KCNH7: variants seen among roughly 807,000 people sequenced by gnomAD.
The protein encoded by KCNH7 is potassium voltage-gated channel subfamily H member 7.
A neutral mutation model predicts 120.8 loss-of-function variants in KCNH7; 49 were observed. The ratio of observed to expected loss-of-function variants is 0.41; its 90% CI spans 0.32 to 0.51. KCNH7 has a LOEUF of 0.51. Ranked by LOEUF, KCNH7 falls within the 20% of genes least tolerant of loss-of-function variation. The pLI is 0.38. For synonymous variants in KCNH7, 547 were observed against 516.1 expected (o/e 1.06, Z -0.81); for missense variants, 1,097 against 1,446.6 (o/e 0.76, Z 3.92).
chr2:162,394,146 C>T (rs1396286996), intron 12 of KCNH7, among the ~76,000 whole-genome samples: 4 of 151,880 alleles, frequency 2.6e-5, no homozygotes, highest in Non-Finnish European at 4.4e-5. Context: ...AAAAATCAAT[C>T]CACTCTATTT....
intron 14 of KCNH7, among the ~76,000 whole-genome samples, chr2:162,379,286 C>A (rs967354321): frequency 3.3e-5 from 5 of 152,054 alleles, no homozygotes; most frequent in Admixed American, 3.3e-4. Context: ...TTTAAAGAAA[C>A]CACGCAGACT....
At chr2:162,679,231 G>A (rs1685630060) in intron 2 of KCNH7, among the ~76,000 whole-genome samples, 1 of 151,612 alleles carries the variant, frequency 6.6e-6, no homozygotes, top group Non-Finnish European at 1.5e-5. Context: ...AATCTTGCTT[G>A]TATAGTTAGA....
At chr2:162,707,142 G>A (rs920634263) in intron 2 of KCNH7, among the ~76,000 whole-genome samples, 6 of 152,022 alleles carry the variant, frequency 3.9e-5, no homozygotes, top group Non-Finnish European at 7.4e-5. Context: ...ACACAAATTG[G>A]TGTAACTATA....
intron 2 of KCNH7, among the ~76,000 whole-genome samples, chr2:162,619,849 A>C (rs1206763937): frequency 6.6e-6 from 1 of 152,132 alleles, no homozygotes; most frequent in East Asian, 1.9e-4. Context: ...ACTTTTATTT[A>C]TTTGTATACC....
At chr2:162,558,464 G>A (rs909217320) in intron 2 of KCNH7, among the ~76,000 whole-genome samples, 9 of 147,836 alleles carry the variant, frequency 6.1e-5, no homozygotes, top group African/African-American at 2.3e-4. Flanking sequence ...GTGAGCCACC[G>A]TGCCCGGCCA....
intron 2 of KCNH7, among the ~76,000 whole-genome samples, chr2:162,746,816 A>G (rs941913313): frequency 3.9e-5 from 6 of 152,148 alleles, no homozygotes; most frequent in African/African-American, 1.4e-4. Context: ...CATTGTAAAA[A>G]TTAAAACTTG....
chr2:162,573,613 C>T (rs1238889936), intron 2 of KCNH7, among the ~76,000 whole-genome samples: 2 of 151,606 alleles, frequency 1.3e-5, no homozygotes, highest in Non-Finnish European at 2.9e-5. Flanking sequence ...TTCTTTAGTC[C>T]ACCAGGTAGG....
chr2:162,465,590 A>C (rs1689280418), intron 6 of KCNH7, among the ~76,000 whole-genome samples: 1 of 152,136 alleles, frequency 6.6e-6, no homozygotes, highest in Non-Finnish European at 1.5e-5. Context: ...GCCTCACATC[A>C]ATCATTTCAG....
At chr2:162,651,181 C>T (rs575124716) in intron 2 of KCNH7, among the ~76,000 whole-genome samples, 6 of 152,080 alleles carry the variant, frequency 3.9e-5, no homozygotes, top group Non-Finnish European at 5.9e-5. Context: ...AGAGAAGTAT[C>T]TTAGTGCATA....
At chr2:162,658,146 A>T (rs776339432) in intron 2 of KCNH7, among the ~76,000 whole-genome samples, 21 of 151,688 alleles carry the variant, frequency 1.4e-4, no homozygotes, top group Non-Finnish European at 2.5e-4. Context: ...TGCTTACCAG[A>T]CACCAAATCT....
intron 14 of KCNH7, 22 bp from the exon 15 acceptor site, chr2:162,373,684 G>GA: frequency 7.0e-7 from 1 of 1,423,960 alleles, no homozygotes; most frequent in Non-Finnish European, 9.2e-7. Context: ...ACAGAAGTAG[G>GA]AAAAGACAGT....
intron 4 of KCNH7, among the ~76,000 whole-genome samples, chr2:162,517,377 TG>T (rs761705740): frequency 2.2e-4 from 34 of 151,868 alleles, no homozygotes; most frequent in Admixed American, 4.6e-4. Context: ...TCCCAGGGCA[TG>T]ATCATTTGCT....
intron 2 of KCNH7, among the ~76,000 whole-genome samples, chr2:162,808,108 T>C (rs1684613372): frequency 6.6e-6 from 1 of 152,238 alleles, no homozygotes; most frequent in Non-Finnish European, 1.5e-5. Context: ...AATGGCATGA[T>C]ATTTGCATAT....
chr2:162,652,950 A>T (rs1351200259), intron 2 of KCNH7, among the ~76,000 whole-genome samples: 2 of 152,216 alleles, frequency 1.3e-5, no homozygotes, highest in Non-Finnish European at 2.9e-5. Context: ...GAATTAACGT[A>T]GCTGCAGATA....
chr2:162,394,408 A>C lies in KCNH7; in HGVS notation c.2691T>G (p.Phe897Leu). Residue 897 changes from phenylalanine to leucine, a missense_variant, in exon 12 of 16, where the codon TTT (phenylalanine) becomes TTG (leucine). Transcript: ENST00000332142. Reference sequence around the variant, plus strand: ...AATTACCTTTCTCTCCTTCACTTTCAAATGACAATTTCCTTCTTCTTAGTT... The same window carrying C: ...AATTACCTTTCTCTCCTTCACTTTCCAATGACAATTTCCTTCTTCTTAGTT... ...NCKLRRRKLS[F>L]ESEGEKENST... 6.3e-7 allele frequency: 1 copy of C among 1,591,194 alleles called. No homozygotes were observed. The highest frequency in any genetic ancestry group is 2.2e-5 in the East Asian group (1 of 44,566).
intron 12 of KCNH7, 102 bp downstream of exon 12, chr2:162,394,287 G>A (rs902445335): frequency 1.3e-6 from 1 of 742,642 alleles, no homozygotes; most frequent in Non-Finnish European, 2.4e-6. Context: ...CCTAAAGCCT[G>A]AGTAAAATAT....
intron 2 of KCNH7, among the ~76,000 whole-genome samples, chr2:162,624,041 C>G (rs1433800687): frequency 6.6e-6 from 1 of 152,152 alleles, no homozygotes; most frequent in African/African-American, 2.4e-5. Flanking sequence ...AAATGTGAGT[C>G]ATCCTTTTGT....
chr2:162,623,376 C>T (rs191520848), intron 2 of KCNH7, among the ~76,000 whole-genome samples: 21 of 152,246 alleles, frequency 1.4e-4, no homozygotes, highest in African/African-American at 4.8e-4. Flanking sequence ...TTAGTAATTT[C>T]ATATGGTTTC....
In KCNH7 at chr2:162,809,974, G is replaced by A. The variant is rs1684683471; in HGVS notation, c.307+26563C>T. 1.1e-4 allele frequency among the ~76,000 whole-genome samples: 2 copies of A among 18,090 alleles called. 1 individual carries two copies. The highest frequency in any genetic ancestry group is 0.018 in the South Asian group (2 of 114). 11.9% of individuals were successfully genotyped at this position (18,090 alleles called of 152,430 possible). ...TCTGTCGCCCAGGCTGGAGTGCAGT[G>A]GCGCAATCTCAGCTCACTGCAAGCT... is the stretch of plus-strand genomic sequence containing the variant. On this transcript the variant is annotated intron_variant, in intron 2 of 15. Coordinates refer to ENST00000332142, the MANE Select transcript of KCNH7 (RefSeq NM_033272.4).
Sources: allele counts gnomAD v4.1 joint callset (sites outside exome capture counted in the v4.1 genomes callset), GRCh38; gene constraint gnomAD v4.1.1; transcripts MANE v1.5; gene names NCBI Gene and HGNC (gene_info 2026-07-23, HGNC 2026-07-21).